The following CTNNA3 variants were observed in gnomAD, a reference collection of about 807,000 sequenced individuals.
The protein encoded by CTNNA3 is catenin alpha 3.
A neutral mutation model predicts 95.7 loss-of-function variants in CTNNA3; 76 were observed. The ratio of observed to expected loss-of-function variants is 0.79; its 90% CI spans 0.66 to 0.96. The LOEUF (loss-of-function observed/expected upper bound fraction) is 0.96. CTNNA3 is among the 40% of genes least tolerant of loss of function. The pLI, the probability that CTNNA3 is intolerant of heterozygous loss-of-function variation, is 0.00. For missense variants in CTNNA3, 1,191 were observed against 1,089.8 expected (o/e 1.09, Z -1.31); for synonymous variants, 431 against 374.4 (o/e 1.15, Z -1.74).
intron 3 of CTNNA3, among the ~76,000 whole-genome samples, chr10:67,583,443 G>A (rs1842490738): frequency 6.6e-6 from 1 of 152,122 alleles, no homozygotes; most frequent in African/African-American, 2.4e-5. Context: ...TTGTCTGATG[G>A]GCTTCCCTTT....
At chr10:65,929,701 T>G (rs2077221331) in intron 17 of CTNNA3, among the ~76,000 whole-genome samples, 1 of 151,876 alleles carries the variant, frequency 6.6e-6, no homozygotes, top group Admixed American at 6.6e-5. Context: ...CCCTAGTAGC[T>G]GGGACTACAG....
At chr10:67,620,878 CATATATATGTGT>C (rs1172335190) in intron 2 of CTNNA3, among the ~76,000 whole-genome samples, 1 of 139,940 alleles carries the variant, frequency 7.1e-6, no homozygotes, top group Non-Finnish European at 1.6e-5. Context: ...CACTACTGTA[CATATATATGTGT>C]ATATATATGT....
intron 1 of CTNNA3, among the ~76,000 whole-genome samples, chr10:67,685,089 A>G (rs543963491): frequency 2.3e-4 from 35 of 152,338 alleles, no homozygotes; most frequent in Non-Finnish European, 4.1e-4. Context: ...GGGATTGTAG[A>G]GTAAGGATAG....
rs529496840 is a variant in CTNNA3, at chr10:66,677,098, T to G, written c.1282-55314A>C. ...ACTTTACTATGGTATTGTGGATAGA[T>G]TACTTGACTTCTCTAGCATTGGTTT... On this transcript the variant is annotated intron_variant, in intron 9 of 17. Coordinates refer to ENST00000433211, the MANE Select transcript of CTNNA3 (RefSeq NM_013266.4). 2.4e-4 allele frequency among the ~76,000 whole-genome samples: 37 copies of G among 152,252 alleles called. 1 individual carries two copies. The South Asian group carries it at 7.2e-3, about 30-fold the overall frequency.
chr10:66,466,715 A>C (rs1838932973), intron 11 of CTNNA3, among the ~76,000 whole-genome samples: 2 of 152,126 alleles, frequency 1.3e-5, no homozygotes. Flanking sequence ...TTTATGAGCT[A>C]GTAGCATTGA....
At chr10:66,211,985 T>TA (rs1564770697) in intron 13 of CTNNA3, among the ~76,000 whole-genome samples, 2 of 46,308 alleles carry the variant, frequency 4.3e-5, no homozygotes. Flanking sequence ...GTTTTTGGGT[T>TA]TTTTTTTTTT....
chr10:66,382,562 T>A (rs1217780796), intron 11 of CTNNA3, among the ~76,000 whole-genome samples: 2 of 152,150 alleles, frequency 1.3e-5, no homozygotes, highest in Non-Finnish European at 2.9e-5. Context: ...CAGACAGCTA[T>A]GAAGAGAGCA....
At chr10:66,757,888 G>T (rs1214447403) in intron 9 of CTNNA3, among the ~76,000 whole-genome samples, 1 of 151,892 alleles carries the variant, frequency 6.6e-6, no homozygotes, top group Non-Finnish European at 1.5e-5. Flanking sequence ...TCTCAGCTAG[G>T]GTTTCCTTAT....
chr10:67,497,435 T>G (rs546330125), intron 5 of CTNNA3, among the ~76,000 whole-genome samples: 179 of 152,318 alleles, frequency 1.2e-3, no homozygotes, highest in Non-Finnish European at 2.3e-3. Flanking sequence ...TATAATCCTT[T>G]GGGTATATAC....
At chr10:66,266,080 A>G (rs2091143200) in intron 13 of CTNNA3, among the ~76,000 whole-genome samples, 1 of 149,262 alleles carries the variant, frequency 6.7e-6, no homozygotes, top group African/African-American at 2.4e-5. Context: ...AAAGAGAGAG[A>G]GGAAGGGGGG....
At chr10:67,528,509 C>T (rs1840217293) in intron 4 of CTNNA3, among the ~76,000 whole-genome samples, 1 of 152,126 alleles carries the variant, frequency 6.6e-6, no homozygotes, top group East Asian at 1.9e-4. Context: ...CAGCATACAT[C>T]CTCTTCTGCA....
intron 17 of CTNNA3, among the ~76,000 whole-genome samples, chr10:65,949,971 C>G (rs1057417064): frequency 6.6e-6 from 1 of 151,874 alleles, no homozygotes; most frequent in Non-Finnish European, 1.5e-5. Flanking sequence ...GGAAGCCCCC[C>G]ACAACAAAGA....
intron 7 of CTNNA3, among the ~76,000 whole-genome samples, chr10:67,070,312 T>C (rs1290999267): frequency 6.6e-6 from 1 of 152,204 alleles, no homozygotes; most frequent in East Asian, 1.9e-4. Flanking sequence ...ATTTGTCAGA[T>C]GTGTGTATTA....
intron 13 of CTNNA3, among the ~76,000 whole-genome samples, chr10:66,149,219 T>C (rs978041707): frequency 2.0e-5 from 3 of 147,382 alleles, no homozygotes; most frequent in Non-Finnish European, 3.0e-5. Context: ...ATATATAATA[T>C]ATAAATATAT....
At chr10:65,939,069 A>G (rs1299536174) in intron 17 of CTNNA3, among the ~76,000 whole-genome samples, 1 of 151,450 alleles carries the variant, frequency 6.6e-6, no homozygotes, top group African/African-American at 2.4e-5. Flanking sequence ...TGCCTGGCTA[A>G]TTTTTTTTGT....
chr10:67,437,749 T>G (rs940566654), intron 5 of CTNNA3, among the ~76,000 whole-genome samples: 32 of 151,884 alleles, frequency 2.1e-4, no homozygotes, highest in Admixed American at 6.6e-5. Context: ...TTTTCTGGAA[T>G]GAAATGAAAA....
At chr10:66,604,883 A>C (rs765557901) in intron 10 of CTNNA3, among the ~76,000 whole-genome samples, 1 of 152,102 alleles carries the variant, frequency 6.6e-6, no homozygotes, top group Non-Finnish European at 1.5e-5. Flanking sequence ...AACTCCAACA[A>C]CTCAAAAAGC....
chr10:67,445,514 C>T (rs1846713621), intron 5 of CTNNA3, among the ~76,000 whole-genome samples: 1 of 152,116 alleles, frequency 6.6e-6, no homozygotes, highest in Non-Finnish European at 1.5e-5. Context: ...CTGCAACCCA[C>T]TTCCATGATA....
Position 67,296,934 on chromosome 10 carries a change from C to CAAAAAAAA in CTNNA3, c.580-77072_580-77065dup, listed in dbSNP as rs1210482029. 1.9e-3 allele frequency among the ~76,000 whole-genome samples: 33 copies of CAAAAAAAA among 17,664 alleles called. 2 individuals are homozygous for CAAAAAAAA. In the East Asian group the frequency reaches 0.022, roughly 12 times the overall value. The allele number at this position is 17,664 out of a possible 152,430, so 11.6% of individuals were successfully genotyped here. A position where few individuals can be genotyped will look rare whatever the true frequency, so the allele number is the denominator to read the frequency against. ...GGGCAACAAGAATGAAACGCTGTCT[C>CAAAAAAAA]AAAAAAAAAAAAAAAAAAAAAAAAA... On this transcript the variant is annotated intron_variant, in intron 5 of 17. Coordinates refer to ENST00000433211, the MANE Select transcript of CTNNA3 (RefSeq NM_013266.4).
Sources: allele counts gnomAD v4.1 joint callset (sites outside exome capture counted in the v4.1 genomes callset), GRCh38; gene constraint gnomAD v4.1.1; transcripts MANE v1.5; gene names NCBI Gene and HGNC (gene_info 2026-07-23, HGNC 2026-07-21).